The following PSME4 variants were observed in gnomAD, a reference collection of about 807,000 sequenced individuals.
PSME4 encodes proteasome activator subunit 4.
A neutral mutation model predicts 253.9 loss-of-function variants in PSME4; 89 were observed. The ratio of observed to expected loss-of-function variants is 0.35; its 90% CI spans 0.30 to 0.42. The LOEUF (loss-of-function observed/expected upper bound fraction) is 0.42, where lower values mean the gene tolerates loss of function less well. Among genes scored for constraint, PSME4 ranks in the 10% least tolerant of loss-of-function variants. The probability of loss-of-function intolerance (pLI) is 1.00; values close to 1 mark genes in which losing one functional copy is unlikely to be tolerated. For synonymous variants in PSME4, 851 were observed against 759.2 expected, an observed-to-expected ratio of 1.12 and a Z score of -1.99; for missense variants, 2,014 against 2,195.2, an observed-to-expected ratio of 0.92 and a Z score of 1.65.
intron 7 of PSME4, among the ~76,000 whole-genome samples, 200 bp from the exon 8 acceptor site, chr2:53,934,927 TC>T (rs1472147342): frequency 6.6e-6 from 1 of 152,222 alleles, no homozygotes; most frequent in Non-Finnish European, 1.5e-5. Context: ...TGTATGACAC[TC>T]TGAGGTCAGA....
At chr2:53,920,070 T>G in intron 19 of PSME4, 123 bp downstream of exon 19, 1 of 844,160 alleles carries the variant, frequency 1.2e-6, no homozygotes, top group Non-Finnish European at 1.7e-6. Flanking sequence ...ATTTTCTAAG[T>G]ACATGTATAG....
chr2:53,957,315 A>C (rs1205555464), intron 1 of PSME4, among the ~76,000 whole-genome samples: 3 of 152,218 alleles, frequency 2.0e-5, no homozygotes, highest in Admixed American at 6.5e-5. Flanking sequence ...TTATTATTAA[A>C]TTGTAATATA....
chr2:53,932,842 A>T, intron 8 of PSME4, 82 bp from the exon 9 acceptor site: 1 of 1,026,562 alleles, frequency 9.7e-7, no homozygotes, highest in East Asian at 2.4e-5. Context: ...CCTATACGTA[A>T]ATCACTAATA....
intron 1 of PSME4, among the ~76,000 whole-genome samples, chr2:53,951,763 C>A (rs573343327): frequency 6.6e-6 from 1 of 152,136 alleles, no homozygotes; most frequent in Admixed American, 6.5e-5. Context: ...GAACATAATG[C>A]AGATATTATA....
chr2:53,970,582 A>C lies in PSME4; in HGVS notation c.203T>G (p.Leu68Arg). ...GGTCCAGAAGAGGCCCCCGGGCCAC[A>C]GCTCTTGGAGCTGCACGGCCCGGCC... The part of the protein sequence containing the change: ...NLGRAVQLQE[L>R]WPGGLFWTRK... Residue 68 changes from leucine (L) to arginine (R), a missense_variant, in exon 1 of 47, where the codon CTG becomes CGG. This residue lies in a region of PSME4 where 615 missense variants were observed against 594.4 expected (regional missense o/e 1.03). Coordinates refer to ENST00000404125, the MANE Select transcript of PSME4 (RefSeq NM_014614.3). 1 of 1,548,714 alleles carries C rather than the reference A, an allele frequency of 6.5e-7. No individual in the cohort carries two copies. Among genetic ancestry groups the C allele is most frequent in the Non-Finnish European group, 8.7e-7 (1 of 1,146,858 alleles).
chr2:53,878,819 A>G lies in PSME4; in HGVS notation c.4816-3064T>C, dbSNP rs185481254. On this transcript the variant is annotated intron_variant, in intron 41 of 46. Coordinates refer to ENST00000404125, the MANE Select transcript of PSME4 (RefSeq NM_014614.3). Reference sequence around the variant, plus strand: ...AATGACAATGTGTGCCCGAAACTTAATTAGCAATTTTAATTTTGCCCAGGT... The same window carrying G: ...AATGACAATGTGTGCCCGAAACTTAGTTAGCAATTTTAATTTTGCCCAGGT... 2.9e-3 allele frequency among the ~76,000 whole-genome samples: 443 copies of G among 152,302 alleles called. 1 individual carries two copies. The highest frequency in any genetic ancestry group is 0.01 in the African/African-American group (431 of 41,560).
chr2:53,934,744 ATAAG>A lies in PSME4; in HGVS notation c.835-21_835-18del. 2 of 1,538,872 alleles carry A rather than the reference ATAAG, an allele frequency of 1.3e-6. No individual in the cohort carries two copies. The highest frequency in any genetic ancestry group is 1.7e-5 in the Admixed American group (1 of 59,102). On this transcript the variant is annotated intron_variant, in intron 7 of 46. Transcript: ENST00000404125. ...TGTAAATATCTTTTAAAAGAAAAAA[ATAAG>A]TAAGGATATTTACAGGTATCAAAAT...
In PSME4 at chr2:53,923,438, G is replaced by A; in HGVS notation, c.1810-19C>T. ...GGGCCACCTGTTAAGATATGAAAAT[G>A]TTTAATGAGCATTTTTTAAGAAAAT... On this transcript the variant is annotated intron_variant, in intron 14 of 46. Transcript: ENST00000404125. 6.4e-7 allele frequency: 1 copy of A among 1,563,316 alleles called. No individual in the cohort carries two copies. Among genetic ancestry groups the A allele is most frequent in the Non-Finnish European group, 8.6e-7 (1 of 1,161,138 alleles).
chr2:53,884,064 G>GA (rs2104420751), intron 41 of PSME4, among the ~76,000 whole-genome samples: 1 of 152,242 alleles, frequency 6.6e-6, no homozygotes, highest in Admixed American at 6.5e-5. Flanking sequence ...CTACACATCT[G>GA]ATTTATGTGC....
At chr2:53,898,935 T>C (rs779779844) in intron 29 of PSME4, among the ~76,000 whole-genome samples, 2 of 152,138 alleles carry the variant, frequency 1.3e-5, no homozygotes, top group Non-Finnish European at 2.9e-5. Flanking sequence ...ATGATACATC[T>C]GCTAAACTTG....
At chr2:53,902,013 G>A (rs1394022077) in intron 27 of PSME4, among the ~76,000 whole-genome samples, 1 of 152,200 alleles carries the variant, frequency 6.6e-6, no homozygotes, top group Non-Finnish European at 1.5e-5. Context: ...GCTACAATGA[G>A]CCATGCCTGT....
chr2:53,921,131 G>C (rs760275171), intron 17 of PSME4, 27 bp from the exon 18 acceptor site: 1 of 1,611,448 alleles, frequency 6.2e-7, no homozygotes, highest in Non-Finnish European at 8.5e-7. Context: ...AATAGTTGAA[G>C]ATATTTTGGT....
chr2:53,915,232 G>A (rs1252762745), intron 20 of PSME4, among the ~76,000 whole-genome samples: 1 of 152,014 alleles, frequency 6.6e-6, no homozygotes, highest in Non-Finnish European at 1.5e-5. Context: ...CCTGAGCTCG[G>A]GAAATTGAGA....
At chr2:53,937,626 G>A (rs1174418685) in intron 4 of PSME4, 86 bp from the exon 5 acceptor site, 10 of 1,257,726 alleles carry the variant, frequency 8.0e-6, no homozygotes, top group Non-Finnish European at 9.0e-6. Flanking sequence ...AAAAGGCTGG[G>A]GGAGGAGGAG....
intron 1 of PSME4, among the ~76,000 whole-genome samples, chr2:53,956,607 C>T (rs1238369823): frequency 3.3e-5 from 5 of 151,886 alleles, no homozygotes; most frequent in Admixed American, 3.3e-4. Flanking sequence ...GAGTCTCTCT[C>T]TGTTGCCCAA....
intron 5 of PSME4, 119 bp downstream of exon 5, chr2:53,937,272 G>T (rs1669168669): frequency 4.1e-6 from 4 of 966,562 alleles, no homozygotes; most frequent in Non-Finnish European, 6.0e-6. Flanking sequence ...TAATAAACTT[G>T]AAGTACAATA....
At chr2:53,916,667 A>C (rs1668077291) in intron 20 of PSME4, among the ~76,000 whole-genome samples, 1 of 152,178 alleles carries the variant, frequency 6.6e-6, no homozygotes, top group South Asian at 2.1e-4. Context: ...ACAATTACTA[A>C]CCTATATTAA....
chr2:53,869,264 C>T, intron 44 of PSME4, 112 bp downstream of exon 44: 1 of 1,102,406 alleles, frequency 9.1e-7, no homozygotes, highest in Non-Finnish European at 1.3e-6. Context: ...TTTCCCAATA[C>T]CTAGCATAGA....
intron 31 of PSME4, among the ~76,000 whole-genome samples, chr2:53,897,469 C>A (rs985440896): frequency 5.3e-5 from 8 of 152,086 alleles, no homozygotes; most frequent in Non-Finnish European, 8.8e-5. Flanking sequence ...AAGCCCTGCC[C>A]AGCCTCAGGG....
Sources: allele counts gnomAD v4.1 joint callset (sites outside exome capture counted in the v4.1 genomes callset), GRCh38; gene constraint gnomAD v4.1.1; regional missense constraint gnomAD v4.1.1; transcripts MANE v1.5; gene names NCBI Gene and HGNC (gene_info 2026-07-23, HGNC 2026-07-21).